Variants in SATB2 observed in about 807,000 individuals in gnomAD.
SATB2 encodes the protein SATB homeobox 2.
In SATB2, 1 loss-of-function variant was observed where a neutral mutation model predicts 73.4. The ratio of observed to expected loss-of-function variants is 0.01; its 90% CI spans 0.00 to 0.06. The LOEUF is 0.06. Ranked by LOEUF, SATB2 falls within the 10% of genes least tolerant of loss-of-function variation. SATB2 has a pLI of 1.00. For missense variants in SATB2, 459 were observed against 945.8 expected (o/e 0.49, Z 6.75); for synonymous variants, 397 against 367.0 (o/e 1.08, Z -0.93).
chr2:199,439,823 G>A (rs1030072965), intron 2 of SATB2, among the ~76,000 whole-genome samples: 1 of 152,072 alleles, frequency 6.6e-6, no homozygotes, highest in Non-Finnish European at 1.5e-5. Context: ...AATAATAGAG[G>A]CTGGGCGCAG....
upstream of SATB2, among the ~76,000 whole-genome samples, chr2:199,461,749 T>C (rs912343444): frequency 5.3e-5 from 8 of 152,258 alleles, no homozygotes; most frequent in African/African-American, 1.9e-4. Flanking sequence ...CACGGATTTG[T>C]TATTTTAAAA....
rs535913023 is a variant in SATB2, at chr2:199,272,943, C to A, written c.1741-271G>T. ...TTGCCTAAGGTCATCTCACTTTAGG[C>A]AACCTGGCTTCAGAGTCTTCTATAC... On this transcript the variant is annotated intron_variant, in intron 10 of 10. Transcript: ENST00000417098. The surrounding 1 kb of genome is among the most constrained non-coding windows in gnomAD (Gnocchi z 6.7). Among the ~76,000 whole-genome samples the A allele has an allele frequency of 3.1e-3, 479 of 152,238 alleles. 1 individual carries two copies. Among genetic ancestry groups the A allele is most frequent in the Non-Finnish European group, 3.7e-3 (253 of 68,010 alleles).
intron 9 of SATB2, among the ~76,000 whole-genome samples, chr2:199,316,563 T>C (rs1490498053): frequency 6.6e-6 from 1 of 152,134 alleles, no homozygotes; most frequent in Non-Finnish European, 1.5e-5. Flanking sequence ...CTGGGTTATC[T>C]TATGCATGTC....
chr2:199,392,129 G>A (rs766027338), intron 3 of SATB2, among the ~76,000 whole-genome samples: 1 of 152,122 alleles, frequency 6.6e-6, no homozygotes, highest in Non-Finnish European at 1.5e-5. Context: ...AGGAGATGCT[G>A]GTGATAAGCC....
intron 3 of SATB2, among the ~76,000 whole-genome samples, chr2:199,402,293 G>A (rs1420178586): frequency 2.6e-5 from 4 of 152,180 alleles, no homozygotes; most frequent in African/African-American, 9.7e-5. Context: ...ACTGAGGCAG[G>A]AGAATCACTT....
intron 8 of SATB2, chr2:199,325,454 T>C (rs1260098582): frequency 2.0e-5 from 3 of 152,270 alleles, no homozygotes; most frequent in South Asian, 4.1e-4. Context: ...AAATCTCCAA[T>C]TTATGCCAGG....
intron 3 of SATB2, chr2:199,397,725 C>T (rs779273222): frequency 1.7e-4 from 68 of 411,340 alleles, no homozygotes; most frequent in Non-Finnish European, 2.9e-4. Flanking sequence ...CCTATTACTA[C>T]TAAAAATACG....
chr2:199,410,186 C>T (rs187910995), intron 3 of SATB2, among the ~76,000 whole-genome samples: 96 of 152,346 alleles, frequency 6.3e-4, no homozygotes, highest in Non-Finnish European at 1.1e-3. Flanking sequence ...ACAGATTCTT[C>T]TCTCTGCTCC....
At chr2:199,378,165 C>T (rs889889654) in intron 5 of SATB2, among the ~76,000 whole-genome samples, 7 of 152,284 alleles carry the variant, frequency 4.6e-5, no homozygotes, top group Admixed American at 1.3e-4. Flanking sequence ...TCTCCTCACT[C>T]ATGTTGCCTC....
intron 3 of SATB2, among the ~76,000 whole-genome samples, chr2:199,385,848 C>T (rs1056451611): frequency 1.1e-4 from 17 of 152,140 alleles, no homozygotes; most frequent in African/African-American, 4.1e-4. Context: ...ACCCAGCCTC[C>T]TCTGCTTGTC....
chr2:199,456,715 C>G (rs1443944428), intron 1 of SATB2, among the ~76,000 whole-genome samples: 2 of 152,320 alleles, frequency 1.3e-5, no homozygotes, highest in South Asian at 4.1e-4. Flanking sequence ...AGGTATTTAT[C>G]AGAATAACCT....
At chr2:199,406,200 CT>C (rs1276907615) in intron 3 of SATB2, among the ~76,000 whole-genome samples, 3 of 152,082 alleles carry the variant, frequency 2.0e-5, no homozygotes, top group Admixed American at 6.5e-5. Flanking sequence ...ACCAATCCCC[CT>C]GGACACAAAA....
chr2:199,385,429 C>A (rs191647478), intron 3 of SATB2, among the ~76,000 whole-genome samples: 1 of 152,258 alleles, frequency 6.6e-6, no homozygotes, highest in Admixed American at 6.5e-5. Flanking sequence ...TGAGCCACTG[C>A]ACCTAGCCCT....
chr2:199,428,971 A>T (rs1405918495), intron 3 of SATB2, among the ~76,000 whole-genome samples: 1 of 151,206 alleles, frequency 6.6e-6, no homozygotes, highest in East Asian at 2.0e-4. Context: ...GTGCCAATGC[A>T]CTGCAGCCTG....
At chr2:199,471,173 G>A (rs1043025182) in exon 1 of SATB2, 1 of 152,472 alleles carries the variant, frequency 6.6e-6, no homozygotes, top group African/African-American at 2.4e-5. Flanking sequence ...GGCACGCGCA[G>A]ATACCGGGCA....
chr2:199,320,176 G>A (rs925557912), intron 9 of SATB2, among the ~76,000 whole-genome samples: 2 of 152,086 alleles, frequency 1.3e-5, no homozygotes, highest in Admixed American at 1.3e-4. Flanking sequence ...CTTTGTATGT[G>A]AGGGTCAGAC....
At chr2:199,360,429 AC>A (rs1442217945) in intron 6 of SATB2, among the ~76,000 whole-genome samples, 2 of 151,954 alleles carry the variant, frequency 1.3e-5, no homozygotes, top group African/African-American at 4.8e-5. Flanking sequence ...AGGTGTTCTC[AC>A]CACCAAGCCC....
intron 10 of SATB2, among the ~76,000 whole-genome samples, chr2:199,292,534 G>A (rs762978783): frequency 6.6e-5 from 10 of 152,146 alleles, no homozygotes; most frequent in Admixed American, 1.3e-4. Flanking sequence ...AGAAAAATAT[G>A]CAGATAATAA....
In SATB2 at chr2:199,367,209, C is replaced by T. The variant is rs1689311490; in HGVS notation, c.700+1396G>A. ...AACCTTCTGAGCCACACATCGATGT[C>T]TTATAATGAGAAGGGGTTATTCATC... On this transcript the variant is annotated intron_variant, in intron 6 of 10. Coordinates refer to ENST00000417098, the MANE Select transcript of SATB2 (RefSeq NM_001172509.2). 3.3e-5 allele frequency among the ~76,000 whole-genome samples: 5 copies of T among 152,134 alleles called. No homozygotes were observed. In the South Asian group the frequency reaches 1.0e-3, roughly 31 times the overall value.
Sources: gnomAD v4.1 joint callset for allele counts (sites outside exome capture counted in the v4.1 genomes callset) on GRCh38, gnomAD v4.1.1 for gene constraint, Gnocchi (gnomAD v3.1) non-coding constraint, MANE v1.5 for transcripts, NCBI Gene and HGNC (gene_info 2026-07-23, HGNC 2026-07-21) for gene names.